ELAC2: variants seen among roughly 807,000 people sequenced by gnomAD.
ELAC2 encodes zinc phosphodiesterase ELAC protein 2.
Under a neutral mutation model 105.2 loss-of-function variants are expected in ELAC2, and 92 were observed. That is an observed-to-expected ratio of 0.87 (90% CI 0.74 to 1.04). The LOEUF is 1.04. Ranked by LOEUF, ELAC2 falls within the 50% of genes least tolerant of loss-of-function variation. The pLI is 0.00. For synonymous variants in ELAC2, 468 were observed against 409.1 expected (o/e 1.14, Z -1.74); for missense variants, 1,099 against 1,071.7 (o/e 1.03, Z -0.36).
At chr17:13,015,728 G>A (rs1194954539) in intron 4 of ELAC2, 40 bp downstream of exon 4, 1 of 1,563,972 alleles carries the variant, frequency 6.4e-7, no homozygotes, top group Non-Finnish European at 8.8e-7. Flanking sequence ...TATTACAAAA[G>A]GAAAGATTGC....
At position 12,992,038 on chromosome 17, in the gene ELAC2, T is replaced by C. The variant is rs1301390679; in HGVS notation, c.*780A>G. 6.6e-6 allele frequency among the ~76,000 whole-genome samples: 1 copy of C among 152,070 alleles called. No homozygotes were observed. The highest frequency in any genetic ancestry group is 1.5e-5 in the Non-Finnish European group (1 of 68,014). On this transcript the variant is annotated 3_prime_UTR_variant, in exon 24 of 24. Transcript: ENST00000338034. ...AGTATGGAAGCAACAACACAGCAAA[T>C]CTATTGTCTCCACTTTTACCCAGAA... is the stretch of plus-strand genomic sequence containing the variant.
rs1399054641 is a variant in ELAC2, at chr17:12,995,717, G to A, written c.1794C>T (p.Val598=). 16 of 1,611,396 alleles carry A rather than the reference G, an allele frequency of 9.9e-6. No homozygotes were observed. The highest frequency in any genetic ancestry group is 1.3e-5 in the African/African-American group (1 of 74,870). Residue 598 remains valine (V), a synonymous_variant, in exon 19 of 24, where the codon GTC becomes GTT. Coordinates refer to ENST00000338034, the MANE Select transcript of ELAC2 (RefSeq NM_018127.7). ...LQQYHNQCQE[V]LHHISMIPAK... Reference sequence around the variant, plus strand: ...TGGATGCTCACCTGATGTGGTGCAGGACCTCCTGGCACTGGTTGTGGTACT... The same window carrying A: ...TGGATGCTCACCTGATGTGGTGCAGAACCTCCTGGCACTGGTTGTGGTACT...
Position 12,995,748 on chromosome 17 carries a change from A to C in ELAC2, c.1763T>G (p.Leu588Arg). ...VVAPNQLKAWLQQYHNQCQEV... is the reference protein window; with the variant it reads ...VVAPNQLKAWRQQYHNQCQEV... ...CTGGCACTGGTTGTGGTACTGCTGG[A>C]GCCAGGCTTTGAGCTGGTTGGGGGC... is the stretch of plus-strand genomic sequence containing the variant. Residue 588 changes from leucine (L) to arginine (R), a missense_variant, in exon 19 of 24, where the codon CTC becomes CGC. Physicochemically the swap from Leu to Arg is moderately radical, Grantham distance 102 (BLOSUM62 -2). Coordinates refer to ENST00000338034, the MANE Select transcript of ELAC2 (RefSeq NM_018127.7). 1 of 1,613,122 alleles carries C rather than the reference A, an allele frequency of 6.2e-7. No individual in the cohort carries two copies. Among genetic ancestry groups the C allele is most frequent in the South Asian group, 1.1e-5 (1 of 90,740 alleles).
At chr17:13,007,735 A>G (rs8073444) in intron 8 of ELAC2, among the ~76,000 whole-genome samples, 41,839 of 151,626 alleles carry the variant, frequency 0.28, 5,928 homozygotes, top group Middle Eastern at 0.32. Flanking sequence ...AAAATTAGCC[A>G]AGTGTGGTGG....
At position 12,995,988 on chromosome 17, in the gene ELAC2, A is replaced by C. The variant is rs1373415355; in HGVS notation, c.1660-10T>G. On this transcript the variant is annotated splice_polypyrimidine_tract_variant and intron_variant, in intron 17 of 23. Transcript: ENST00000338034. ...AGATACTTGGCAAGCCCTGGCAAGG[A>C]AACAGGAGACATGCGTCAGCCAGGC... 2 of 1,591,620 alleles carry C rather than the reference A, an allele frequency of 1.3e-6. No homozygotes were observed. Among genetic ancestry groups the C allele is most frequent in the African/African-American group, 1.3e-5 (1 of 74,488 alleles).
At chr17:13,017,518 G>C in intron 1 of ELAC2, 185 bp downstream of exon 1, 1 of 1,250,736 alleles carries the variant, frequency 8.0e-7, no homozygotes, top group Non-Finnish European at 1.1e-6. Flanking sequence ...GTTCTTCACA[G>C]ATCCGCAGAA....
At chr17:12,993,592 A>T in intron 23 of ELAC2, 95 bp downstream of exon 23, 1 of 1,584,560 alleles carries the variant, frequency 6.3e-7, no homozygotes, top group Non-Finnish European at 8.6e-7. Flanking sequence ...GGCCCCAAAT[A>T]AGAAAGCAAA....
In ELAC2 at chr17:13,005,846, C is replaced by G. The variant is rs181386908; in HGVS notation, c.798-21G>C. The G allele has an allele frequency of 5.8e-5, 94 of 1,614,134 alleles. No homozygotes were observed. In the African/African-American group the frequency reaches 1.2e-3, roughly 20 times the overall value. On this transcript the variant is annotated intron_variant, in intron 9 of 23. Coordinates refer to ENST00000338034, the MANE Select transcript of ELAC2 (RefSeq NM_018127.7). The stretch of plus-strand genomic sequence containing the variant: ...TCCCACTGAAATGAAGAGGCAAGGC[C>G]TCTGTGAAATGTGATTTCCTTAAGT...
At chr17:13,010,816 T>C (rs181964651) in intron 7 of ELAC2, 145 bp from the exon 8 acceptor site, 40 of 757,748 alleles carry the variant, frequency 5.3e-5, no homozygotes, top group Non-Finnish European at 8.0e-5. Flanking sequence ...AAGACACTAA[T>C]ATACTCAAGA....
intron 10 of ELAC2, 94 bp downstream of exon 10, chr17:13,005,659 A>G (rs1274309447): frequency 6.2e-6 from 8 of 1,290,404 alleles, no homozygotes; most frequent in Non-Finnish European, 9.0e-6. Context: ...ACGTCCTTCA[A>G]AAGTGGTGTC....
At chr17:13,013,859 C>A (rs1404147724) in intron 5 of ELAC2, among the ~76,000 whole-genome samples, 2 of 152,054 alleles carry the variant, frequency 1.3e-5, no homozygotes, top group East Asian at 3.9e-4. Context: ...AACTCAACGA[C>A]GAGAAGCACC....
chr17:13,003,641 A>T (rs1419988446), intron 11 of ELAC2, 67 bp from the exon 12 acceptor site: 13 of 1,440,938 alleles, frequency 9.0e-6, no homozygotes, highest in Non-Finnish European at 1.3e-5. Flanking sequence ...GGGACCACGC[A>T]GCCAGGGAGG....
chr17:12,998,799 T>C (rs1271621747), intron 15 of ELAC2, among the ~76,000 whole-genome samples: 1 of 152,134 alleles, frequency 6.6e-6, no homozygotes, highest in Non-Finnish European at 1.5e-5. Context: ...GGGGTTGTTA[T>C]AAAGCCAGAG....
chr17:12,993,733 C>A lies in ELAC2; in HGVS notation c.2207G>T (p.Ser736Ile). The A allele has an allele frequency of 6.2e-7, 1 of 1,614,164 alleles. No individual in the cohort carries two copies. The highest frequency in any genetic ancestry group is 1.1e-5 in the South Asian group (1 of 91,084). ...SQRYAKVPLF[S>I]PNFSEKVGVA... The stretch of plus-strand genomic sequence containing the variant: ...TCCCACTTTCTCGCTGAAGTTGGGG[C>A]TGAAGAGGGGGACCTTGGCATAGCG... Residue 736 changes from serine to isoleucine, a missense_variant, in exon 23 of 24, where the codon AGC becomes ATC. Physicochemically the swap from Ser to Ile is moderately radical, Grantham distance 142 (BLOSUM62 -2). Transcript: ENST00000338034.
At chr17:13,007,690 C>T (rs2041184653) in intron 8 of ELAC2, among the ~76,000 whole-genome samples, 1 of 152,044 alleles carries the variant, frequency 6.6e-6, no homozygotes, top group Non-Finnish European at 1.5e-5. Context: ...CCAGCCTGGC[C>T]AACATGGTGA....
Position 12,993,735 on chromosome 17 carries a change from G to C in ELAC2, c.2205C>G (p.Phe735Leu). Reference protein sequence around the residue: ...FSQRYAKVPLFSPNFSEKVGV... With the variant: ...FSQRYAKVPLLSPNFSEKVGV... Reference sequence around the variant, plus strand: ...CCACTTTCTCGCTGAAGTTGGGGCTGAAGAGGGGGACCTTGGCATAGCGCT... The same window carrying C: ...CCACTTTCTCGCTGAAGTTGGGGCTCAAGAGGGGGACCTTGGCATAGCGCT... Residue 735 changes from phenylalanine to leucine, a missense_variant, in exon 23 of 24, where the codon TTC becomes TTG. Coordinates refer to ENST00000338034, the MANE Select transcript of ELAC2 (RefSeq NM_018127.7). 9 of 1,614,200 alleles carry C rather than the reference G, an allele frequency of 5.6e-6. No homozygotes were observed. The highest frequency in any genetic ancestry group is 7.6e-6 in the Non-Finnish European group (9 of 1,180,032).
At chr17:13,003,643 C>A (rs2040948559) in intron 11 of ELAC2, 69 bp from the exon 12 acceptor site, 3 of 1,423,866 alleles carry the variant, frequency 2.1e-6, no homozygotes, top group Non-Finnish European at 3.0e-6. Context: ...GACCACGCAG[C>A]CAGGGAGGGG....
intron 1 of ELAC2, 102 bp downstream of exon 1, chr17:13,017,601 A>T: frequency 6.3e-7 from 1 of 1,580,190 alleles, no homozygotes; most frequent in Non-Finnish European, 8.6e-7. Flanking sequence ...AGTGAACCAC[A>T]TGTGTGAAGC....
chr17:12,997,249 C>G (rs577013589), intron 16 of ELAC2, among the ~76,000 whole-genome samples: 101 of 152,266 alleles, frequency 6.6e-4, no homozygotes, highest in Admixed American at 1.4e-3. Context: ...TTAGGCAGGG[C>G]TCTGGAAGTC....
Sources: allele counts gnomAD v4.1 joint callset (sites outside exome capture counted in the v4.1 genomes callset), GRCh38; gene constraint gnomAD v4.1.1; transcripts MANE v1.5; gene names NCBI Gene and HGNC (gene_info 2026-07-23, HGNC 2026-07-21).